PIBF1: variants seen among roughly 807,000 people sequenced by gnomAD.
PIBF1 encodes progesterone immunomodulatory binding factor 1, also known as progesterone-induced-blocking factor 1.
In PIBF1, 90 loss-of-function variants were observed where a neutral mutation model predicts 112.5. That is an observed-to-expected ratio of 0.80 (90% CI 0.67 to 0.95). PIBF1 has a LOEUF of 0.95. PIBF1 is among the 40% of genes least tolerant of loss of function. The pLI is 0.00. For synonymous variants in PIBF1, 301 were observed against 288.6 expected, an observed-to-expected ratio of 1.04 and a Z score of -0.44; for missense variants, 915 against 852.3, an observed-to-expected ratio of 1.07 and a Z score of -0.92.
rs556871317 is a variant in PIBF1 at position 72,907,286 on chromosome 13, A to T, written c.1489-1245A>T. 6.6e-5 allele frequency among the ~76,000 whole-genome samples: 10 copies of T among 152,260 alleles called. No individual in the cohort carries two copies. In the South Asian group the frequency reaches 2.1e-3, roughly 32 times the overall value. On this transcript the variant is annotated intron_variant, in intron 11 of 17. Coordinates refer to ENST00000326291, the MANE Select transcript of PIBF1 (RefSeq NM_006346.4). ...ATAATTTCTGCTCATTGAGAACTGT[A>T]AATAGGTCTTCCTTCTCCCTTTTTC... is the stretch of plus-strand genomic sequence containing the variant.
chr13:72,804,834 C>T (rs2035644322), intron 5 of PIBF1, among the ~76,000 whole-genome samples: 1 of 152,120 alleles, frequency 6.6e-6, no homozygotes, highest in Non-Finnish European at 1.5e-5. Context: ...AAAGTGTGTA[C>T]ACTGATTCTG....
At chr13:72,930,438 A>C (rs1380379023) in intron 13 of PIBF1, among the ~76,000 whole-genome samples, 3 of 152,174 alleles carry the variant, frequency 2.0e-5, no homozygotes, top group Non-Finnish European at 4.4e-5. Context: ...CAAAATTATT[A>C]GCAGTTCTTT....
In PIBF1 at chr13:72,917,092, G is replaced by A. The variant is rs765799731; in HGVS notation, c.1656G>A (p.Glu552=). 47 of 1,591,050 alleles carry A rather than the reference G, an allele frequency of 3.0e-5. No individual in the cohort carries two copies. The highest frequency in any genetic ancestry group is 3.9e-5 in the Non-Finnish European group (45 of 1,168,102). ...ATTTTCCAGTTGAAAATGAAGATGA[G>A]GCTGAAAGGGTTCTTTTTTCCTACG... ...MQTAEIENED[E]AERVLFSYGY... Residue 552 remains glutamate (E), a synonymous_variant, in exon 13 of 18, where the codon GAG becomes GAA. Coordinates refer to ENST00000326291, the MANE Select transcript of PIBF1 (RefSeq NM_006346.4).
chr13:72,996,048 C>T (rs1040047033), intron 16 of PIBF1, among the ~76,000 whole-genome samples: 5 of 119,136 alleles, frequency 4.2e-5, no homozygotes. Flanking sequence ...TATTCTGCTA[C>T]ATCACAATCA....
In PIBF1 at chr13:73,016,018, T is replaced by C; in HGVS notation, c.*99T>C. On this transcript the variant is annotated 3_prime_UTR_variant, in exon 18 of 18. Transcript: ENST00000326291. Reference sequence around the variant, plus strand: ...GCTTAATCGTGTACTCAGCATTTTTTAAATAACAATGTTTATTTGAACTAA... The same window carrying C: ...GCTTAATCGTGTACTCAGCATTTTTCAAATAACAATGTTTATTTGAACTAA... 1 of 500,338 alleles carries C rather than the reference T, an allele frequency of 2.0e-6. No individual in the cohort carries two copies. The highest frequency in any genetic ancestry group is 3.4e-6 in the Non-Finnish European group (1 of 289,970). The allele number at this position is 500,338 out of a possible 1,614,324, so 31.0% of individuals were successfully genotyped here.
At chr13:72,860,760 A>C (rs1340259076) in intron 10 of PIBF1, among the ~76,000 whole-genome samples, 2 of 152,202 alleles carry the variant, frequency 1.3e-5, no homozygotes, top group Non-Finnish European at 2.9e-5. Context: ...CCATTTTTCA[A>C]ACGAGTGAAA....
chr13:72,828,202 C>T (rs1432410702), intron 8 of PIBF1, among the ~76,000 whole-genome samples: 2 of 150,294 alleles, frequency 1.3e-5, no homozygotes, highest in African/African-American at 2.5e-5. Flanking sequence ...GCTGATGTAT[C>T]CATTAGGATA....
chr13:72,860,836 A>G (rs75960747), intron 10 of PIBF1, among the ~76,000 whole-genome samples: 3,328 of 152,254 alleles, frequency 0.022, 136 homozygotes, highest in African/African-American at 0.076. Context: ...CAAATAAAAG[A>G]CTCATGTATG....
chr13:72,856,544 C>T (rs1030228922), intron 10 of PIBF1, among the ~76,000 whole-genome samples: 2 of 152,030 alleles, frequency 1.3e-5, no homozygotes, highest in African/African-American at 2.4e-5. Flanking sequence ...AGCTAATGCT[C>T]AGGACTGTAA....
chr13:72,817,983 A>G (rs2036366384), intron 5 of PIBF1, among the ~76,000 whole-genome samples: 1 of 152,164 alleles, frequency 6.6e-6, no homozygotes, highest in Non-Finnish European at 1.5e-5. Context: ...CTGGTCGAAT[A>G]TGTGCATTCT....
chr13:72,821,029 T>C (rs1254310512), intron 5 of PIBF1, among the ~76,000 whole-genome samples: 1 of 152,198 alleles, frequency 6.6e-6, no homozygotes, highest in South Asian at 2.1e-4. Flanking sequence ...ACTAATGTGA[T>C]GGTAATGATA....
intron 13 of PIBF1, among the ~76,000 whole-genome samples, chr13:72,927,884 G>A (rs924511108): frequency 6.8e-6 from 1 of 146,886 alleles, no homozygotes; most frequent in African/African-American, 2.5e-5. Context: ...TACTACATTA[G>A]TGGGCTAAAT....
chr13:72,842,497 A>G (rs2037659344), intron 9 of PIBF1, among the ~76,000 whole-genome samples: 1 of 152,224 alleles, frequency 6.6e-6, no homozygotes, highest in Non-Finnish European at 1.5e-5. Flanking sequence ...TTCCAAAAGT[A>G]CTCAAGAAGA....
rs1004393098 is a variant in PIBF1 at position 72,908,758 on chromosome 13, C to A, written c.1639+77C>A. The A allele has an allele frequency of 9.5e-6, 13 of 1,369,940 alleles. No homozygotes were observed. The African/African-American group carries it at 1.5e-4, about 16-fold the overall frequency. 84.9% of individuals were successfully genotyped at this position (1,369,940 alleles called of 1,614,324 possible). On this transcript the variant is annotated intron_variant, in intron 12 of 17. Transcript: ENST00000326291. ...AAGACGCCTGACCTTATTTCTAAAACTACTTTGGGATCAGGCACGGTGGCT... is the reference window on the plus strand; with the variant it reads ...AAGACGCCTGACCTTATTTCTAAAAATACTTTGGGATCAGGCACGGTGGCT...
At chr13:72,916,210 G>A (rs1178598003) in intron 12 of PIBF1, among the ~76,000 whole-genome samples, 1 of 151,652 alleles carries the variant, frequency 6.6e-6, no homozygotes, top group African/African-American at 2.4e-5. Flanking sequence ...CCAACATGGC[G>A]AAACCCTGTC....
At chr13:72,977,355 G>A (rs1594304448) in intron 16 of PIBF1, among the ~76,000 whole-genome samples, 4 of 151,924 alleles carry the variant, frequency 2.6e-5, no homozygotes, top group South Asian at 2.1e-4. Flanking sequence ...ACAGGCGCAT[G>A]CCACCACACC....
chr13:72,849,864 T>C (rs966975476), intron 9 of PIBF1, among the ~76,000 whole-genome samples: 1 of 152,222 alleles, frequency 6.6e-6, no homozygotes, highest in African/African-American at 2.4e-5. Context: ...TTTAGTCTTA[T>C]CATTTGTAAA....
chr13:72,893,999 T>G, intron 11 of PIBF1, 50 bp downstream of exon 11: 1 of 981,968 alleles, frequency 1.0e-6, no homozygotes, highest in Non-Finnish European at 1.4e-6. Context: ...GTAAACTCCC[T>G]AAGTACAAGA....
At chr13:72,838,548 AAAAGTAAAGTGGC>A (rs1167984874) in intron 9 of PIBF1, among the ~76,000 whole-genome samples, 2 of 152,240 alleles carry the variant, frequency 1.3e-5, no homozygotes, top group African/African-American at 4.8e-5. Context: ...TATAGACAAA[AAAAGTAAAGTGGC>A]ATACAGAAAT....
Sources: allele counts gnomAD v4.1 joint callset (sites outside exome capture counted in the v4.1 genomes callset), GRCh38; gene constraint gnomAD v4.1.1; transcripts MANE v1.5; gene names NCBI Gene and HGNC (gene_info 2026-07-23, HGNC 2026-07-21).